Variants in ASAP2 observed in about 807,000 individuals in gnomAD.
The protein encoded by ASAP2 is ArfGAP with SH3 domain, ankyrin repeat and PH domain 2, also known as arf-GAP with SH3 domain, ANK repeat and PH domain-containing protein 2.
In ASAP2, 45 loss-of-function variants were observed where a neutral mutation model predicts 131.4. The observed-to-expected ratio is 0.34, with a 90% CI of 0.27 to 0.44. The LOEUF (loss-of-function observed/expected upper bound fraction) is 0.44, where lower values mean the gene tolerates loss of function less well. Ranked by LOEUF, ASAP2 falls within the 20% of genes least tolerant of loss-of-function variation. The pLI is 1.00. For missense variants in ASAP2, 1,011 were observed against 1,297.0 expected (o/e 0.78, Z 3.39); for synonymous variants, 510 against 503.0 (o/e 1.01, Z -0.19).
intron 1 of ASAP2, among the ~76,000 whole-genome samples, chr2:9,214,799 G>T (rs554233970): frequency 7.1e-6 from 1 of 141,652 alleles, no homozygotes; most frequent in Non-Finnish European, 1.5e-5. Context: ...AAAAAAAAAA[G>T]TGAACAGGAC....
intron 3 of ASAP2, among the ~76,000 whole-genome samples, chr2:9,310,273 C>T (rs1287890375): frequency 6.6e-6 from 1 of 152,212 alleles, no homozygotes; most frequent in African/African-American, 2.4e-5. Flanking sequence ...ATAAATTGGG[C>T]ATATTCAAAT....
intron 22 of ASAP2, among the ~76,000 whole-genome samples, chr2:9,388,965 G>A (rs980331527): frequency 6.6e-6 from 1 of 152,086 alleles, no homozygotes; most frequent in South Asian, 2.1e-4. Context: ...TGGCCCCTGC[G>A]ATTACTTCTT....
rs1666092433 is a variant in ASAP2 at position 9,268,466 on chromosome 2, C to T, written c.127-10851C>T. Among the ~76,000 whole-genome samples, 1 of 152,208 alleles carries T rather than the reference C, an allele frequency of 6.6e-6. No individual in the cohort carries two copies. Among genetic ancestry groups the T allele is most frequent in the Non-Finnish European group, 1.5e-5 (1 of 68,044 alleles). ...TTAGCGACACCTGCTATTCTTCAGG[C>T]CTGGCTTTATTCCCACAAGGGGGGA... On this transcript the variant is annotated intron_variant, in intron 1 of 27. Coordinates refer to ENST00000281419, the MANE Select transcript of ASAP2 (RefSeq NM_003887.3). The surrounding 1 kb of genome is among the most constrained non-coding windows in gnomAD (Gnocchi z 4.1).
intron 9 of ASAP2, among the ~76,000 whole-genome samples, chr2:9,342,375 T>C (rs1475646184): frequency 6.6e-6 from 1 of 152,214 alleles, no homozygotes; most frequent in African/African-American, 2.4e-5. Flanking sequence ...TTAGAGATGA[T>C]TTATTTTTAA....
intron 16 of ASAP2, among the ~76,000 whole-genome samples, chr2:9,371,139 C>G (rs1304727468): frequency 6.6e-6 from 1 of 152,254 alleles, no homozygotes; most frequent in Admixed American, 6.5e-5. Context: ...TAGCCCTCCT[C>G]CAGCCTTGGC....
rs1196143712 is a variant in ASAP2, at chr2:9,392,773, A to G, written c.2519-709A>G. 1.3e-5 allele frequency among the ~76,000 whole-genome samples: 2 copies of G among 151,904 alleles called. No homozygotes were observed. The highest frequency in any genetic ancestry group is 4.8e-5 in the African/African-American group (2 of 41,398). ...CTGGCAGAGGGAAACCCAGCGCCTTATGTGTTACCCATCCTGAGGCCCAGT... is the reference window on the plus strand; with the variant it reads ...CTGGCAGAGGGAAACCCAGCGCCTTGTGTGTTACCCATCCTGAGGCCCAGT... On this transcript the variant is annotated intron_variant, in intron 23 of 27. Coordinates refer to ENST00000281419, the MANE Select transcript of ASAP2 (RefSeq NM_003887.3). This position sits in a 1 kb window ranked among gnomAD's most constrained non-coding sequence, Gnocchi z 4.0.
At chr2:9,320,475 C>T (rs1456175698) in intron 5 of ASAP2, 138 bp downstream of exon 5, 3 of 639,848 alleles carry the variant, frequency 4.7e-6, no homozygotes, top group African/African-American at 1.9e-5. Context: ...TGCTGTGGTT[C>T]ATTTTGATGA....
intron 15 of ASAP2, among the ~76,000 whole-genome samples, chr2:9,361,796 C>T (rs1451061548): frequency 6.6e-6 from 1 of 152,084 alleles, no homozygotes; most frequent in East Asian, 1.9e-4. Flanking sequence ...AACTCCTGGA[C>T]CCAAGTGATC....
chr2:9,213,751 A>G (rs1446113436), intron 1 of ASAP2, among the ~76,000 whole-genome samples: 1 of 152,212 alleles, frequency 6.6e-6, no homozygotes, highest in East Asian at 1.9e-4. Context: ...AAACAGGGCA[A>G]CAGCCAAGCT....
At chr2:9,209,190 A>G (rs1661357647) in intron 1 of ASAP2, among the ~76,000 whole-genome samples, 1 of 152,254 alleles carries the variant, frequency 6.6e-6, no homozygotes, top group Non-Finnish European at 1.5e-5. Flanking sequence ...CTCAAAATGG[A>G]AAAATTAAAA....
chr2:9,379,192 C>T (rs1416122332), intron 19 of ASAP2, 133 bp downstream of exon 19: 1 of 500,610 alleles, frequency 2.0e-6, no homozygotes, highest in East Asian at 3.5e-5. Context: ...GAAGGAGAAC[C>T]TACCGCTAAT....
At position 9,379,328 on chromosome 2, in the gene ASAP2, CG is replaced by C. The variant is rs1674652176; in HGVS notation, c.1948+271del. ...CAAAGGGTGGGTCTTGCAGCTCTCA[CG>C]GATGCCAGGTGAATTTGGACAAGGT... On this transcript the variant is annotated intron_variant, in intron 19 of 27. Coordinates refer to ENST00000281419, the MANE Select transcript of ASAP2 (RefSeq NM_003887.3). Among the ~76,000 whole-genome samples, 4 of 152,332 alleles carry C rather than the reference CG, an allele frequency of 2.6e-5. No homozygotes were observed. In the Middle Eastern group the frequency reaches 0.01, roughly 389 times the overall value.
chr2:9,212,042 C>T (rs778507271), intron 1 of ASAP2, among the ~76,000 whole-genome samples: 2 of 152,130 alleles, frequency 1.3e-5, no homozygotes, highest in Non-Finnish European at 2.9e-5. Flanking sequence ...TTCCTCCCTG[C>T]CCCCTGGTGA....
chr2:9,396,932 G>A (rs1676192483), intron 24 of ASAP2, among the ~76,000 whole-genome samples: 1 of 152,198 alleles, frequency 6.6e-6, no homozygotes, highest in South Asian at 2.1e-4. Flanking sequence ...AACCCAGGAG[G>A]TGGAGGTTGC....
chr2:9,269,857 G>A (rs910591064), intron 1 of ASAP2, among the ~76,000 whole-genome samples: 3 of 152,180 alleles, frequency 2.0e-5, no homozygotes, highest in Non-Finnish European at 4.4e-5. Flanking sequence ...CTCTCCTGTG[G>A]TGGACTTCCC....
rs143301124 is a variant in ASAP2, at chr2:9,309,037, G to A, written c.346-9487G>A. The stretch of plus-strand genomic sequence containing the variant: ...CCCAGGACCTTTGTGTTAGAGTCCC[G>A]TTGGCCCAGAGCGCACTTCCCCCAG... On this transcript the variant is annotated intron_variant, in intron 3 of 27. Coordinates refer to ENST00000281419, the MANE Select transcript of ASAP2 (RefSeq NM_003887.3). Among the ~76,000 whole-genome samples, 297 of 152,210 alleles carry A rather than the reference G, an allele frequency of 2.0e-3. 2 individuals are homozygous for A. The highest frequency in any genetic ancestry group is 6.8e-3 in the African/African-American group (284 of 41,530).
At chr2:9,245,604 C>T (rs1664283749) in intron 1 of ASAP2, among the ~76,000 whole-genome samples, 2 of 152,176 alleles carry the variant, frequency 1.3e-5, no homozygotes, top group African/African-American at 4.8e-5. Context: ...GAGCACCACT[C>T]TTTCTCTTTG....
intron 15 of ASAP2, among the ~76,000 whole-genome samples, chr2:9,366,176 T>C (rs1168847461): frequency 6.6e-6 from 1 of 152,108 alleles, no homozygotes; most frequent in African/African-American, 2.4e-5. Flanking sequence ...TTGGCAGAAC[T>C]GCAAGGTAGC....
chr2:9,364,210 T>C (rs968943231), intron 15 of ASAP2, among the ~76,000 whole-genome samples: 1 of 152,156 alleles, frequency 6.6e-6, no homozygotes, highest in African/African-American at 2.4e-5. Context: ...GAGTCAGTCA[T>C]TTAAAAATCT....
Sources: allele counts gnomAD v4.1 joint callset (sites outside exome capture counted in the v4.1 genomes callset), GRCh38; gene constraint gnomAD v4.1.1; non-coding constraint Gnocchi (gnomAD v3.1); transcripts MANE v1.5; gene names NCBI Gene and HGNC (gene_info 2026-07-23, HGNC 2026-07-21).